DOCK2: variants seen among roughly 807,000 people sequenced by gnomAD.
DOCK2 encodes the protein dedicator of cytokinesis 2, also known as dedicator of cytokinesis protein 2.
Under a neutral mutation model 248.9 loss-of-function variants are expected in DOCK2, and 87 were observed. That is an observed-to-expected ratio of 0.35 (90% CI 0.29 to 0.42). DOCK2 has a LOEUF of 0.42. Among genes scored for constraint, DOCK2 ranks in the 10% least tolerant of loss-of-function variants. DOCK2 has a pLI of 1.00. For missense variants in DOCK2, 1,747 were observed against 2,300.2 expected, an observed-to-expected ratio of 0.76 and a Z score of 4.92; for synonymous variants, 805 against 821.6, an observed-to-expected ratio of 0.98 and a Z score of 0.35.
At chr5:169,810,983 T>A (rs62384804) in intron 26 of DOCK2, among the ~76,000 whole-genome samples, 2,194 of 84,804 alleles carry the variant, frequency 0.026, 26 homozygotes, top group African/African-American at 0.065. Flanking sequence ...TCTCTCTCTC[T>A]CTCTCTCACA....
chr5:169,962,652 A>T (rs2113748331), intron 27 of DOCK2, among the ~76,000 whole-genome samples: 1 of 152,280 alleles, frequency 6.6e-6, no homozygotes, highest in East Asian at 1.9e-4. Flanking sequence ...ACCTCTAGGA[A>T]CGTATTGTCT....
chr5:169,661,933 G>T (rs1161796235), intron 2 of DOCK2, among the ~76,000 whole-genome samples: 7 of 152,182 alleles, frequency 4.6e-5, no homozygotes, highest in African/African-American at 1.2e-4. Context: ...TGAGAGTATA[G>T]ACATATTTGC....
intron 11 of DOCK2, 22 bp downstream of exon 11, chr5:169,698,471 T>C: frequency 6.2e-7 from 1 of 1,612,814 alleles, no homozygotes; most frequent in Non-Finnish European, 8.5e-7. Flanking sequence ...CCCATTTCTT[T>C]CCATTCTCTT....
At chr5:169,894,982 C>T (rs979447768) in intron 27 of DOCK2, among the ~76,000 whole-genome samples, 1 of 152,188 alleles carries the variant, frequency 6.6e-6, no homozygotes, top group Non-Finnish European at 1.5e-5. Context: ...GGGCCAAGAA[C>T]ATCTCTGTGG....
At chr5:169,867,405 C>G (rs546787984) in intron 27 of DOCK2, among the ~76,000 whole-genome samples, 79 of 93,296 alleles carry the variant, frequency 8.5e-4, no homozygotes, top group African/African-American at 3.1e-3. Context: ...GGGTGAAAAC[C>G]TCTCTGTCTG....
At chr5:170,008,221 ACAAC>A (rs770709559) in intron 30 of DOCK2, among the ~76,000 whole-genome samples, 36 of 39,676 alleles carry the variant, frequency 9.1e-4, no homozygotes, top group Admixed American at 3.9e-3. Context: ...AACAACAACA[ACAAC>A]AAAAAAAAAA....
At chr5:170,047,094 C>T (rs1417923907) in intron 39 of DOCK2, among the ~76,000 whole-genome samples, 1 of 152,138 alleles carries the variant, frequency 6.6e-6, no homozygotes, top group Non-Finnish European at 1.5e-5. Flanking sequence ...ACATCTGTAT[C>T]AGGGGGCATT....
At chr5:169,892,629 T>G (rs1489132212) in intron 27 of DOCK2, among the ~76,000 whole-genome samples, 1 of 152,202 alleles carries the variant, frequency 6.6e-6, no homozygotes, top group African/African-American at 2.4e-5. Context: ...AACCCTCTAA[T>G]TGCATTTGTC....
intron 40 of DOCK2, among the ~76,000 whole-genome samples, chr5:170,048,164 G>A (rs1756781611): frequency 6.6e-6 from 1 of 152,172 alleles, no homozygotes; most frequent in Non-Finnish European, 1.5e-5. Flanking sequence ...GGCTGAGGTG[G>A]GCAGATTACT....
intron 26 of DOCK2, among the ~76,000 whole-genome samples, chr5:169,829,104 G>T (rs1358281931): frequency 1.3e-5 from 2 of 152,104 alleles, no homozygotes; most frequent in South Asian, 4.2e-4. Context: ...TTGGATGGGG[G>T]AGAAAAGGGA....
intron 26 of DOCK2, among the ~76,000 whole-genome samples, chr5:169,810,488 G>A (rs747152155): frequency 6.6e-6 from 1 of 152,216 alleles, no homozygotes; most frequent in South Asian, 2.1e-4. Flanking sequence ...GCTCTCTTGG[G>A]CGCAGCAAAG....
chr5:169,672,909 G>T (rs1404905005), intron 5 of DOCK2, among the ~76,000 whole-genome samples: 1 of 152,204 alleles, frequency 6.6e-6, no homozygotes, highest in Non-Finnish European at 1.5e-5. Flanking sequence ...CCTTGTGGAA[G>T]AGACACAGGG....
Position 170,067,596 on chromosome 5 carries a change from T to A in DOCK2, c.4554T>A (p.Ser1518Arg), listed in dbSNP as rs1171878921. ...KILMMINQYQ[S>R]DETLPINPLS... Reference sequence around the variant, plus strand: ...TGATGATGATAAACCAGTACCAGAGTGATGAGACCCTCCCCATCAACCCAC... The same window carrying A: ...TGATGATGATAAACCAGTACCAGAGAGATGAGACCCTCCCCATCAACCCAC... The change falls in exon 45 of 52, where the codon AGT becomes AGA. Residue 1518 changes from serine (S) to arginine (R), a missense_variant. Ser to Arg is a moderately radical substitution (Grantham distance 110, BLOSUM62 -1). Coordinates refer to ENST00000520908, the MANE Select transcript of DOCK2 (RefSeq NM_004946.3). The A allele has an allele frequency of 6.2e-7, 1 of 1,613,764 alleles. No homozygotes were observed. The highest frequency in any genetic ancestry group is 2.2e-5 in the East Asian group (1 of 44,872).
At chr5:169,900,397 T>C (rs973310710) in intron 27 of DOCK2, among the ~76,000 whole-genome samples, 1 of 152,030 alleles carries the variant, frequency 6.6e-6, no homozygotes, top group Non-Finnish European at 1.5e-5. Context: ...GAAATGGAAG[T>C]TTTTCCTTCC....
intron 22 of DOCK2, among the ~76,000 whole-genome samples, chr5:169,735,695 G>A (rs1175955156): frequency 2.0e-5 from 3 of 152,118 alleles, no homozygotes; most frequent in Admixed American, 1.3e-4. Context: ...TTTGTTAGTT[G>A]AATAACTTAT....
intron 21 of DOCK2, 59 bp downstream of exon 21, chr5:169,717,543 C>G (rs1761968596): frequency 6.8e-7 from 1 of 1,475,678 alleles, no homozygotes; most frequent in Non-Finnish European, 9.5e-7. Context: ...TGCCAGGATG[C>G]CTAGGGCACA....
At chr5:169,949,688 TAAAA>T (rs1776584575) in intron 27 of DOCK2, among the ~76,000 whole-genome samples, 1 of 146,320 alleles carries the variant, frequency 6.8e-6, no homozygotes, top group Admixed American at 6.7e-5. Context: ...ATGTGATCTT[TAAAA>T]TAAATTACAG....
intron 22 of DOCK2, among the ~76,000 whole-genome samples, chr5:169,724,555 GTGTGCACAGTTCCACTGGCCTGCAC>G (rs1762370872): frequency 6.6e-6 from 1 of 151,848 alleles, no homozygotes; most frequent in South Asian, 2.1e-4. Context: ...GCCTGCCCTG[GTGTGCACAGTTCCACTGGCCTGCAC>G]TGGAGCTGCC....
At chr5:170,058,265 T>C (rs564736516) in intron 44 of DOCK2, among the ~76,000 whole-genome samples, 1 of 152,202 alleles carries the variant, frequency 6.6e-6, no homozygotes, top group Non-Finnish European at 1.5e-5. Flanking sequence ...TGGACATATT[T>C]AGGATGTCTT....
Sources: gnomAD v4.1 joint callset for allele counts (sites outside exome capture counted in the v4.1 genomes callset) on GRCh38, gnomAD v4.1.1 for gene constraint, MANE v1.5 for transcripts, NCBI Gene and HGNC (gene_info 2026-07-23, HGNC 2026-07-21) for gene names.